The following SLC47A2 variants were observed in gnomAD, a reference collection of about 807,000 sequenced individuals.
The protein encoded by SLC47A2 is solute carrier family 47 member 2, also known as multidrug and toxin extrusion protein 2.
SLC47A2 carries 52 observed loss-of-function variants against 67.7 expected under a neutral mutation model. The ratio of observed to expected loss-of-function variants is 0.77; its 90% CI spans 0.61 to 0.97. SLC47A2 has a LOEUF of 0.97. Ranked by LOEUF, SLC47A2 falls within the 50% of genes least tolerant of loss-of-function variation. SLC47A2 has a pLI of 0.00. For missense variants in SLC47A2, 676 were observed against 712.3 expected, an observed-to-expected ratio of 0.95 and a Z score of 0.58; for synonymous variants, 278 against 292.9, an observed-to-expected ratio of 0.95 and a Z score of 0.52.
rs2085401443 is a variant in SLC47A2, at chr17:19,685,219, C to G, written c.1165-3549G>C. On this transcript the variant is annotated intron_variant, in intron 13 of 16. Transcript: ENST00000433844. The surrounding 1 kb of genome is among the most constrained non-coding windows in gnomAD (Gnocchi z 4.5). Reference sequence around the variant, plus strand: ...CAACCTCCATCTCCCAGCTGCCTGCCTTGGCCTCCCAAAGTGCTAAGATTA... The same window carrying G: ...CAACCTCCATCTCCCAGCTGCCTGCGTTGGCCTCCCAAAGTGCTAAGATTA... Among the ~76,000 whole-genome samples the G allele has an allele frequency of 6.6e-6, 1 of 152,142 alleles. No individual in the cohort carries two copies.
chr17:19,687,833 T>C (rs34943952), intron 13 of SLC47A2, among the ~76,000 whole-genome samples: 31,444 of 151,980 alleles, frequency 0.21, 3,666 homozygotes, highest in East Asian at 0.39. Flanking sequence ...AATAATGAGA[T>C]TGAAGCTGTA....
At chr17:19,714,212 C>T (rs1174532732) in intron 3 of SLC47A2, among the ~76,000 whole-genome samples, 1 of 152,242 alleles carries the variant, frequency 6.6e-6, no homozygotes, top group Non-Finnish European at 1.5e-5. Context: ...GGGGCTTCAT[C>T]ACATGTCAGC....
chr17:19,694,932 G>T (rs868052740), intron 13 of SLC47A2, among the ~76,000 whole-genome samples: 32 of 138,228 alleles, frequency 2.3e-4, no homozygotes, highest in African/African-American at 8.3e-4. Flanking sequence ...AAAAAAAAAA[G>T]GATCATAAAC....
rs1464285400 is a variant in SLC47A2, at chr17:19,706,679, C to T, written c.810G>A (p.Trp270Ter). The T allele has an allele frequency of 1.2e-6, 2 of 1,608,842 alleles. No homozygotes were observed. The highest frequency in any genetic ancestry group is 3.4e-5 in the Admixed American group (2 of 58,880). The change falls in exon 9 of 17, where the codon TGG becomes TGA. Residue 270 changes from tryptophan to a stop codon, truncating the protein, a stop_gained. Transcript: ENST00000433844. LOFTEE classifies it high-confidence loss of function. ...GGAAGCTCCCGATCTCATAGGCCCACCACTCAACACAGATCATGAGCATGC... is the reference window on the plus strand; with the variant it reads ...GGAAGCTCCCGATCTCATAGGCCCATCACTCAACACAGATCATGAGCATGC... ...VPSMLMICVE[W>*]WAYEIGSFLM...
At chr17:19,687,347 A>C (rs755939426) in intron 13 of SLC47A2, among the ~76,000 whole-genome samples, 1 of 152,164 alleles carries the variant, frequency 6.6e-6, no homozygotes, top group Non-Finnish European at 1.5e-5. Flanking sequence ...AAAACATCTA[A>C]TAAATAACCT....
chr17:19,716,753 T>C, upstream of SLC47A2: 1 of 755,612 alleles, frequency 1.3e-6, no homozygotes, highest in South Asian at 2.2e-5. Flanking sequence ...CCAAGCCTAC[T>C]GCCTCAGCCA....
In SLC47A2 at chr17:19,679,952, C is replaced by G; in HGVS notation, c.1480G>C (p.Val494Leu). 1 of 1,613,120 alleles carries G rather than the reference C, an allele frequency of 6.2e-7. No individual in the cohort carries two copies. Among genetic ancestry groups the G allele is most frequent in the South Asian group, 1.1e-5 (1 of 90,940 alleles). ...GTAGAAGCAGCGGTGACAGTATTACCTGAAGATAGGACTGCTTTCTCAGGC... is the reference window on the plus strand; with the variant it reads ...GTAGAAGCAGCGGTGACAGTATTACGTGAAGATAGGACTGCTTTCTCAGGC... Reference protein sequence around the residue: ...PGPEKAVLSSVATGSSPGITL... With the variant: ...PGPEKAVLSSLATGSSPGITL... Residue 494 changes from valine (V) to leucine (L), a missense_variant and splice_region_variant, in exon 16 of 17, where the codon GTG (valine) becomes CTG (leucine). Transcript: ENST00000433844.
intron 10 of SLC47A2, chr17:19,704,907 C>G (rs941674480): frequency 4.6e-6 from 2 of 438,788 alleles, no homozygotes; most frequent in African/African-American, 4.1e-5. Flanking sequence ...CTCACTGCAA[C>G]CTCCGCCTCC....
At chr17:19,710,410 G>C (rs1430551531) in intron 5 of SLC47A2, among the ~76,000 whole-genome samples, 1 of 151,920 alleles carries the variant, frequency 6.6e-6, no homozygotes, top group African/African-American at 2.4e-5. Flanking sequence ...CCCTGGAAGG[G>C]TCCAAAAAAG....
intron 5 of SLC47A2, among the ~76,000 whole-genome samples, 200 bp from the exon 6 acceptor site, chr17:19,708,960 C>T (rs910174114): frequency 6.6e-6 from 1 of 152,214 alleles, no homozygotes; most frequent in Admixed American, 6.5e-5. Flanking sequence ...ATGGAAGAGG[C>T]CCCCTCAGGG....
chr17:19,688,674 A>G (rs1293244953), intron 13 of SLC47A2, among the ~76,000 whole-genome samples: 1 of 151,886 alleles, frequency 6.6e-6, no homozygotes, highest in Non-Finnish European at 1.5e-5. Context: ...TCATCCTCCC[A>G]AGTAGCTGGG....
chr17:19,716,589 G>C, upstream of SLC47A2: 1 of 1,556,666 alleles, frequency 6.4e-7, no homozygotes, highest in South Asian at 1.2e-5. Context: ...CTGCACGCCT[G>C]AGCGCCTGCA....
chr17:19,679,060 A>G (rs189794910), intron 16 of SLC47A2, among the ~76,000 whole-genome samples, 154 bp from the exon 17 acceptor site: 2 of 152,322 alleles, frequency 1.3e-5, no homozygotes. Flanking sequence ...TGCTTTATCT[A>G]CTTTACAAGC....
intron 1 of SLC47A2, 31 bp downstream of exon 1, chr17:19,716,402 C>T (rs1488298627): frequency 1.3e-6 from 2 of 1,593,074 alleles, no homozygotes. Flanking sequence ...TTCCTCCACT[C>T]CCTACCTGCC....
intron 13 of SLC47A2, among the ~76,000 whole-genome samples, chr17:19,690,991 G>C (rs1338954730): frequency 6.6e-6 from 1 of 152,150 alleles, no homozygotes; most frequent in East Asian, 1.9e-4. Context: ...GCGTAGTGGT[G>C]CATGCCTATA....
At chr17:19,701,395 G>A (rs1363168853) in intron 13 of SLC47A2, among the ~76,000 whole-genome samples, 1 of 152,130 alleles carries the variant, frequency 6.6e-6, no homozygotes, top group Non-Finnish European at 1.5e-5. Flanking sequence ...ACTGGATGGA[G>A]TACACAGAGG....
At position 19,716,535 on chromosome 17, in the gene SLC47A2, T is replaced by C. The variant is rs776011958; in HGVS notation, c.21A>G (p.Thr7=). ...AGCAGCCCCCATGGTCCAGGGCCACTGTGTCCTGGAGGCTGTCCATTCCTG... is the reference window on the plus strand; with the variant it reads ...AGCAGCCCCCATGGTCCAGGGCCACCGTGTCCTGGAGGCTGTCCATTCCTG... MDSLQD[T]VALDHGGCCP... is the part of the protein sequence containing the mutation. Residue 7 remains threonine (T), a synonymous_variant, in exon 1 of 17, where the codon ACA becomes ACG. Transcript: ENST00000433844. 6 of 1,610,138 alleles carry C rather than the reference T, an allele frequency of 3.7e-6. No individual in the cohort carries two copies. The highest frequency in any genetic ancestry group is 4.2e-6 in the Non-Finnish European group (5 of 1,178,388).
rs752607433 is a variant in SLC47A2, at chr17:19,713,797, C to G, written c.443+28G>C. 3.1e-6 allele frequency: 5 copies of G among 1,594,818 alleles called. No homozygotes were observed. The Admixed American group carries it at 8.5e-5, about 27-fold the overall frequency. On this transcript the variant is annotated intron_variant, in intron 4 of 16. Coordinates refer to ENST00000433844, the MANE Select transcript of SLC47A2 (RefSeq NM_001099646.3). ...GGCGGCCCGGGTTTCCCAGCAAGCC[C>G]CACCTCCCCAGCCGGAGCCCAGCGC...
chr17:19,706,035 T>C (rs575305722), intron 9 of SLC47A2, among the ~76,000 whole-genome samples: 1 of 152,234 alleles, frequency 6.6e-6, no homozygotes, highest in African/African-American at 2.4e-5. Context: ...CCAGATGAAC[T>C]CAGGGTGGCA....
Sources: gnomAD v4.1 joint callset for allele counts (sites outside exome capture counted in the v4.1 genomes callset) on GRCh38, gnomAD v4.1.1 for gene constraint, Gnocchi (gnomAD v3.1) non-coding constraint, MANE v1.5 for transcripts, NCBI Gene and HGNC (gene_info 2026-07-23, HGNC 2026-07-21) for gene names.